Variants in DPP10 observed in about 807,000 individuals in gnomAD.
DPP10 encodes the protein inactive dipeptidyl peptidase 10.
A neutral mutation model predicts 120.9 loss-of-function variants in DPP10; 33 were observed. The observed-to-expected ratio is 0.27, with a 90% CI of 0.21 to 0.37. DPP10 has a LOEUF of 0.37. Among genes scored for constraint, DPP10 ranks in the 10% least tolerant of loss-of-function variants. DPP10 has a pLI of 1.00. For synonymous variants in DPP10, 337 were observed against 326.1 expected (o/e 1.03, Z -0.36); for missense variants, 816 against 942.8 (o/e 0.87, Z 1.76).
intron 1 of DPP10, among the ~76,000 whole-genome samples, chr2:115,201,908 A>G (rs987749732): frequency 6.6e-6 from 1 of 152,188 alleles, no homozygotes; most frequent in Admixed American, 6.5e-5. Context: ...ATCGGGTGAG[A>G]ACGTCTCTCA....
intron 1 of DPP10, among the ~76,000 whole-genome samples, chr2:115,250,275 C>A (rs1400224404): frequency 6.6e-6 from 1 of 152,138 alleles, no homozygotes; most frequent in Non-Finnish European, 1.5e-5. Flanking sequence ...ACTCATTACC[C>A]AAGATCAGTG....
In DPP10 at chr2:114,598,412, C is replaced by A. The variant is rs2105210298; in HGVS notation, c.60+155574C>A. On this transcript the variant is annotated intron_variant, in intron 1 of 25. Transcript: ENST00000410059. ...AAGATAGAGTGCAAACTGCTGCTAA[C>A]TATTTTGCTTGTTGTCCAAAGTGTG... Among the ~76,000 whole-genome samples the A allele has an allele frequency of 3.3e-5, 5 of 151,930 alleles. No homozygotes were observed. The South Asian group carries it at 1.0e-3, about 32-fold the overall frequency.
intron 1 of DPP10, chr2:115,233,828 A>G (rs1355372938): frequency 1.7e-5 from 8 of 458,392 alleles, no homozygotes; most frequent in Non-Finnish European, 3.5e-5. Context: ...TTGCCACACC[A>G]AATGTGGGAT....
intron 5 of DPP10, among the ~76,000 whole-genome samples, chr2:115,573,385 C>T (rs575451358): frequency 6.1e-4 from 91 of 149,850 alleles, no homozygotes; most frequent in African/African-American, 2.2e-3. Context: ...CGGGTTCACG[C>T]CATTCTCCTG....
At chr2:115,710,790 T>C (rs1224907465) in intron 7 of DPP10, among the ~76,000 whole-genome samples, 4 of 152,224 alleles carry the variant, frequency 2.6e-5, no homozygotes, top group Non-Finnish European at 5.9e-5. Flanking sequence ...GTTTTAATCA[T>C]GCAGTTAATA....
At chr2:115,205,106 C>G (rs1013548194) in intron 1 of DPP10, among the ~76,000 whole-genome samples, 1 of 152,040 alleles carries the variant, frequency 6.6e-6, no homozygotes, top group African/African-American at 2.4e-5. Flanking sequence ...TTAGGTCCTA[C>G]TTGTCAATTT....
At chr2:115,459,515 A>C (rs1179402204) in intron 3 of DPP10, among the ~76,000 whole-genome samples, 1 of 152,056 alleles carries the variant, frequency 6.6e-6, no homozygotes, top group African/African-American at 2.4e-5. Flanking sequence ...TATTGTTTTG[A>C]TTACCATGGC....
intron 1 of DPP10, among the ~76,000 whole-genome samples, chr2:115,264,835 A>G (rs1243326819): frequency 2.6e-5 from 4 of 152,194 alleles, no homozygotes; most frequent in Non-Finnish European, 5.9e-5. Context: ...TATCTACATG[A>G]TGATTGTGAA....
chr2:115,307,397 C>G (rs999549873), intron 1 of DPP10, among the ~76,000 whole-genome samples: 1 of 152,072 alleles, frequency 6.6e-6, no homozygotes, highest in Non-Finnish European at 1.5e-5. Flanking sequence ...GATTCTCTTA[C>G]TGAATTGAAA....
intron 3 of DPP10, among the ~76,000 whole-genome samples, chr2:115,430,691 T>G (rs2070893236): frequency 6.6e-6 from 1 of 152,154 alleles, no homozygotes; most frequent in African/African-American, 2.4e-5. Context: ...TGCTTTGTAT[T>G]GAATTTTCTA....
At chr2:115,424,558 C>A (rs957744305) in intron 3 of DPP10, among the ~76,000 whole-genome samples, 1 of 151,670 alleles carries the variant, frequency 6.6e-6, no homozygotes, top group South Asian at 2.1e-4. Context: ...TCTGTTGAAT[C>A]CAATTATTGC....
intron 1 of DPP10, among the ~76,000 whole-genome samples, chr2:114,700,273 T>C (rs1010065894): frequency 6.6e-6 from 1 of 152,092 alleles, no homozygotes; most frequent in African/African-American, 2.4e-5. Context: ...CTCCTGCCCC[T>C]GTCCCAATGG....
chr2:115,736,127 G>A (rs972853239), intron 8 of DPP10, among the ~76,000 whole-genome samples: 4 of 151,944 alleles, frequency 2.6e-5, no homozygotes, highest in South Asian at 2.1e-4. Flanking sequence ...GGATACCCTC[G>A]TCCTTTAGGC....
intron 5 of DPP10, among the ~76,000 whole-genome samples, chr2:115,622,075 T>G (rs1334193170): frequency 2.0e-5 from 3 of 152,170 alleles, no homozygotes; most frequent in African/African-American, 7.2e-5. Context: ...AGTCCATTTA[T>G]AGAGTTGTGC....
At chr2:114,623,978 G>A (rs1422553883) in intron 1 of DPP10, among the ~76,000 whole-genome samples, 3 of 152,022 alleles carry the variant, frequency 2.0e-5, no homozygotes, top group Non-Finnish European at 4.4e-5. Context: ...TAGGAATGAT[G>A]ATGGTACTCA....
chr2:115,098,629 A>G (rs1416172112), intron 1 of DPP10, among the ~76,000 whole-genome samples: 1 of 152,186 alleles, frequency 6.6e-6, no homozygotes, highest in African/African-American at 2.4e-5. Context: ...CCACCATTGT[A>G]TAGGCGGCCC....
intron 1 of DPP10, among the ~76,000 whole-genome samples, chr2:114,626,193 C>A (rs201935109): frequency 6.6e-6 from 1 of 151,570 alleles, no homozygotes; most frequent in African/African-American, 2.4e-5. Flanking sequence ...ACACTCACTA[C>A]AAAATTACCA....
intron 5 of DPP10, among the ~76,000 whole-genome samples, chr2:115,562,383 A>G (rs573589501): frequency 2.7e-4 from 41 of 152,176 alleles, no homozygotes; most frequent in Admixed American, 9.2e-4. Context: ...CCTTCACCCT[A>G]ACTCAGATGA....
At chr2:115,758,876 A>G (rs10183028) in intron 11 of DPP10, among the ~76,000 whole-genome samples, 6,925 of 152,156 alleles carry the variant, frequency 0.046, 539 homozygotes, top group African/African-American at 0.16. Flanking sequence ...TGGCATCCCG[A>G]TTGGATAAAA....
Sources: gnomAD v4.1 joint callset for allele counts (sites outside exome capture counted in the v4.1 genomes callset) on GRCh38, gnomAD v4.1.1 for gene constraint, MANE v1.5 for transcripts, NCBI Gene and HGNC (gene_info 2026-07-23, HGNC 2026-07-21) for gene names.